CMTM4: variants seen among roughly 807,000 people sequenced by gnomAD.
CMTM4 encodes the protein CKLF like MARVEL transmembrane domain containing 4.
CMTM4 carries 8 observed loss-of-function variants against 19.0 expected under a neutral mutation model. The observed-to-expected ratio is 0.42, with a 90% CI of 0.25 to 0.76. The LOEUF (loss-of-function observed/expected upper bound fraction) is 0.76, where lower values mean the gene tolerates loss of function less well. CMTM4 is among the 30% of genes least tolerant of loss of function. The pLI, the probability that CMTM4 is intolerant of heterozygous loss-of-function variation, is 0.27. For missense variants in CMTM4, 228 were observed against 290.2 expected, an observed-to-expected ratio of 0.79 and a Z score of 1.56; for synonymous variants, 106 against 121.1, an observed-to-expected ratio of 0.88 and a Z score of 0.82.
At chr16:66,688,258 G>T (rs1368993065) in intron 1 of CMTM4, among the ~76,000 whole-genome samples, 3 of 152,072 alleles carry the variant, frequency 2.0e-5, no homozygotes, top group African/African-American at 7.2e-5. Flanking sequence ...TGGGTGTTAG[G>T]TTCCAACATC....
chr16:66,674,875 G>A (rs1322087440), intron 1 of CMTM4, among the ~76,000 whole-genome samples: 1 of 150,516 alleles, frequency 6.6e-6, no homozygotes, highest in East Asian at 2.0e-4. Context: ...CTGAGTAGCT[G>A]GGATTACAGG....
chr16:66,603,559 T>A, the CMTM4 span, among the ~76,000 whole-genome samples: 7 of 152,284 alleles, frequency 4.6e-5, no homozygotes, highest in East Asian at 1.3e-3. Context: ...CGTGCTGGGA[T>A]TACAGGCATG....
intron 2 of CMTM4, among the ~76,000 whole-genome samples, chr16:66,624,598 C>G (rs1276973133): frequency 6.6e-6 from 1 of 152,198 alleles, no homozygotes; most frequent in African/African-American, 2.4e-5. Flanking sequence ...GAAACCCCAT[C>G]TCTACTAAAA....
At chr16:66,607,524 G>A in the CMTM4 span, among the ~76,000 whole-genome samples, 3 of 152,072 alleles carry the variant, frequency 2.0e-5, no homozygotes, top group Non-Finnish European at 2.9e-5. Flanking sequence ...AAAATAAATT[G>A]CAGACATCAG....
In CMTM4 at chr16:66,618,342, CTGTTT is replaced by C; in HGVS notation, c.*3711_*3715del. On this transcript the variant is annotated 3_prime_UTR_variant, in exon 4 of 4. Coordinates refer to ENST00000394106, the MANE Select transcript of CMTM4 (RefSeq NM_181521.3). ...AGGCAGTGGCACAAAGACTTCATGA[CTGTTT>C]TGTTTTGAACACAGATGAGACAATA... 1.0e-6 allele frequency: 1 copy of C among 985,364 alleles called. No individual in the cohort carries two copies. 61.0% of individuals were successfully genotyped at this position (985,364 alleles called of 1,614,324 possible).
In CMTM4 at chr16:66,635,954, C is replaced by T. The variant is rs1400224372; in HGVS notation, c.363+451G>A. Among the ~76,000 whole-genome samples, 3 of 152,146 alleles carry T rather than the reference C, an allele frequency of 2.0e-5. No homozygotes were observed. In the East Asian group the frequency reaches 5.8e-4, roughly 29 times the overall value. On this transcript the variant is annotated intron_variant, in intron 2 of 3. Coordinates refer to ENST00000394106, the MANE Select transcript of CMTM4 (RefSeq NM_181521.3). ...TCAAACCACCAAACCCCCCCAGGTC[C>T]TCCTAGTTGCTTTGAATTTAATAAT...
chr16:66,679,375 C>G lies in CMTM4; in HGVS notation c.186+16965G>C, dbSNP rs2016865852. Among the ~76,000 whole-genome samples, 3 of 152,036 alleles carry G rather than the reference C, an allele frequency of 2.0e-5. No individual in the cohort carries two copies. The South Asian group carries it at 6.2e-4, about 32-fold the overall frequency. ...GCAATTCTTAAATTTTATCAATAAT[C>G]CAAGGAGAAAGAAGAACTGAGGGCC... On this transcript the variant is annotated intron_variant, in intron 1 of 3. Coordinates refer to ENST00000394106, the MANE Select transcript of CMTM4 (RefSeq NM_181521.3).
chr16:66,651,884 T>C (rs2016317660), intron 1 of CMTM4, among the ~76,000 whole-genome samples: 1 of 152,196 alleles, frequency 6.6e-6, no homozygotes, highest in South Asian at 2.1e-4. Context: ...GCAAATAATG[T>C]TTGGTTCTGA....
intron 1 of CMTM4, among the ~76,000 whole-genome samples, chr16:66,655,508 A>G (rs2016381807): frequency 6.8e-6 from 1 of 147,626 alleles, no homozygotes; most frequent in African/African-American, 2.6e-5. Flanking sequence ...CCTGAGGTCT[A>G]GGACAGAAAC....
intron 1 of CMTM4, among the ~76,000 whole-genome samples, chr16:66,666,881 A>T (rs1366732149): frequency 6.6e-6 from 1 of 152,220 alleles, no homozygotes; most frequent in Non-Finnish European, 1.5e-5. Context: ...TCCTGTGGAC[A>T]TAAACACGGA....
chr16:66,673,795 A>C (rs1367431417), intron 1 of CMTM4, among the ~76,000 whole-genome samples: 2 of 152,224 alleles, frequency 1.3e-5, no homozygotes, highest in Non-Finnish European at 2.9e-5. Flanking sequence ...TTTATTGAGA[A>C]CACCACCTTC....
At chr16:66,667,225 TAAGG>T (rs2016612796) in intron 1 of CMTM4, among the ~76,000 whole-genome samples, 1 of 151,732 alleles carries the variant, frequency 6.6e-6, no homozygotes, top group Non-Finnish European at 1.5e-5. Flanking sequence ...CCCGGGAGGC[TAAGG>T]AAGGAGAATC....
chr16:66,600,689 T>C, the CMTM4 span, among the ~76,000 whole-genome samples: 1 of 151,222 alleles, frequency 6.6e-6, no homozygotes, highest in East Asian at 2.0e-4. Context: ...CAGACATCTG[T>C]TATCTATTAC....
At chr16:66,651,786 G>T (rs998729705) in intron 1 of CMTM4, among the ~76,000 whole-genome samples, 1 of 152,166 alleles carries the variant, frequency 6.6e-6, no homozygotes, top group African/African-American at 2.4e-5. Flanking sequence ...TAATCCATGA[G>T]TTTTTTCCCC....
chr16:66,609,273 T>C, the CMTM4 span: 1 of 624,926 alleles, frequency 1.6e-6, no homozygotes, highest in Non-Finnish European at 2.8e-6. This position sits in a 1 kb window ranked among gnomAD's most constrained non-coding sequence, Gnocchi z 4.4. Context: ...CAGAGGCACC[T>C]CGGGGGTGGG....
the CMTM4 span, among the ~76,000 whole-genome samples, chr16:66,606,809 A>G: frequency 6.2e-4 from 95 of 152,304 alleles, 1 homozygote; most frequent in South Asian, 0.011. Context: ...CCTGGCCAGC[A>G]TGGTGAAACC....
chr16:66,612,867 T>C (rs2015435093), downstream of CMTM4: 18 of 610,044 alleles, frequency 3.0e-5, no homozygotes, highest in Non-Finnish European at 5.3e-5. This position sits in a 1 kb window ranked among gnomAD's most constrained non-coding sequence, Gnocchi z 6.0. Flanking sequence ...GGTATCCCAC[T>C]CCTTCTCCCC....
chr16:66,639,514 C>T (rs186072132), intron 1 of CMTM4, among the ~76,000 whole-genome samples: 12 of 151,644 alleles, frequency 7.9e-5, no homozygotes, highest in African/African-American at 1.2e-4. Flanking sequence ...GTGATAAGAA[C>T]GAAGGAGAAA....
intron 1 of CMTM4, among the ~76,000 whole-genome samples, chr16:66,659,106 G>A (rs990596705): frequency 3.9e-5 from 6 of 152,054 alleles, no homozygotes; most frequent in African/African-American, 7.2e-5. Context: ...GAGGCTGGGC[G>A]TGGTGGCTCA....
Sources: gnomAD v4.1 joint callset for allele counts (sites outside exome capture counted in the v4.1 genomes callset) on GRCh38, gnomAD v4.1.1 for gene constraint, Gnocchi (gnomAD v3.1) non-coding constraint, MANE v1.5 for transcripts, NCBI Gene and HGNC (gene_info 2026-07-23, HGNC 2026-07-21) for gene names.